The following PMS1 variants were observed in gnomAD, a reference collection of about 807,000 sequenced individuals.
PMS1 encodes PMS1 protein homolog 1.
Under a neutral mutation model 93.1 loss-of-function variants are expected in PMS1, and 79 were observed. The observed-to-expected ratio is 0.85, with a 90% CI of 0.71 to 1.02. The LOEUF is 1.02. Among genes scored for constraint, PMS1 ranks in the 50% least tolerant of loss-of-function variants. The probability of loss-of-function intolerance (pLI) is 0.00; values close to 1 mark genes in which losing one functional copy is unlikely to be tolerated. For missense variants in PMS1, 1,064 were observed against 1,085.3 expected, an observed-to-expected ratio of 0.98 and a Z score of 0.28; for synonymous variants, 335 against 363.4, an observed-to-expected ratio of 0.92 and a Z score of 0.89.
chr2:189,802,760 C>G (rs867255903), intron 3 of PMS1, among the ~76,000 whole-genome samples: 4 of 152,134 alleles, frequency 2.6e-5, no homozygotes, highest in African/African-American at 9.7e-5. Context: ...GGTTCTAAAC[C>G]AAGGACTTCT....
At chr2:189,855,919 A>T in intron 9 of PMS1, 1 of 866,958 alleles carries the variant, frequency 1.2e-6, no homozygotes, top group Non-Finnish European at 1.5e-6. Flanking sequence ...ATATACAGGT[A>T]TCTGAGTATC....
At chr2:189,820,218 C>T (rs1288434074) in intron 5 of PMS1, among the ~76,000 whole-genome samples, 4 of 152,202 alleles carry the variant, frequency 2.6e-5, no homozygotes, top group Non-Finnish European at 2.9e-5. Context: ...ATACTTTGCT[C>T]ATTGTTGTGC....
At chr2:189,806,292 A>G (rs1405088467) in intron 4 of PMS1, 1 of 240,348 alleles carries the variant, frequency 4.2e-6, no homozygotes, top group Non-Finnish European at 8.2e-6. Context: ...TTTCTATATT[A>G]CTTTGAAGCA....
chr2:189,872,055 C>G lies in PMS1; in HGVS notation c.2474-1441C>G, dbSNP rs115121321. Among the ~76,000 whole-genome samples the G allele has an allele frequency of 8.9e-3, 1,350 of 152,196 alleles. 14 individuals carry two copies. Among genetic ancestry groups the G allele is most frequent in the Middle Eastern group, 0.024 (7 of 294 alleles). On this transcript the variant is annotated intron_variant, in intron 11 of 12. Transcript: ENST00000441310. ...CACCAAGCCATTCATGATGGATCTG[C>G]CCCATGACCCAATGCACCTCCCACT...
intron 5 of PMS1, among the ~76,000 whole-genome samples, chr2:189,821,766 A>G (rs550100934): frequency 6.5e-4 from 97 of 149,280 alleles, no homozygotes; most frequent in Non-Finnish European, 1.2e-3. Flanking sequence ...CCGAGATCGC[A>G]CCACTGCACT....
intron 6 of PMS1, among the ~76,000 whole-genome samples, chr2:189,848,048 C>G (rs954712500): frequency 2.0e-5 from 3 of 152,146 alleles, no homozygotes; most frequent in African/African-American, 4.8e-5. Flanking sequence ...TCAGAGCTCC[C>G]TGAAGAGTTG....
intron 9 of PMS1, among the ~76,000 whole-genome samples, chr2:189,856,462 TACTC>T (rs748557298): frequency 1.3e-5 from 2 of 152,160 alleles, no homozygotes; most frequent in Non-Finnish European, 2.9e-5. Context: ...ATATATCAAA[TACTC>T]AGTGTTCAAA....
At chr2:189,838,956 G>T (rs370559349) in intron 5 of PMS1, among the ~76,000 whole-genome samples, 39 of 152,122 alleles carry the variant, frequency 2.6e-4, no homozygotes, top group African/African-American at 9.4e-4. Context: ...TTTCGTAAAA[G>T]CTGAGAGTCT....
chr2:189,852,552 G>T, intron 6 of PMS1, 103 bp from the exon 7 acceptor site: 1 of 999,000 alleles, frequency 1.0e-6, no homozygotes, highest in East Asian at 2.4e-5. Context: ...ACCTTAAGAT[G>T]AAAATCTGTT....
intron 12 of PMS1, among the ~76,000 whole-genome samples, chr2:189,876,770 C>CT (rs150660131): frequency 0.04 from 4,711 of 117,880 alleles, 179 homozygotes; most frequent in Non-Finnish European, 0.058. Flanking sequence ...ACCGTGCCCA[C>CT]TTTTTTTTTT....
chr2:189,835,580 A>C (rs773197330), intron 5 of PMS1, among the ~76,000 whole-genome samples: 9 of 152,162 alleles, frequency 5.9e-5, no homozygotes, highest in Non-Finnish European at 1.5e-5. Context: ...ATAATAATAG[A>C]TATAGATCTA....
Position 189,861,835 on chromosome 2 carries a change from T to G in PMS1, c.1857-1908T>G, listed in dbSNP as rs2056047946. On this transcript the variant is annotated intron_variant, in intron 9 of 12. Coordinates refer to ENST00000441310, the MANE Select transcript of PMS1 (RefSeq NM_000534.5). Reference sequence around the variant, plus strand: ...TTTTTGCGGTTTCCTATTTGTACTGTTTTTTTCCTCTTTATTTTCAGGATT... The same window carrying G: ...TTTTTGCGGTTTCCTATTTGTACTGGTTTTTTCCTCTTTATTTTCAGGATT... Among the ~76,000 whole-genome samples the G allele has an allele frequency of 4.0e-5, 6 of 148,906 alleles. 1 individual carries two copies. In the South Asian group the frequency reaches 1.3e-3, roughly 31 times the overall value.
At position 189,792,669 on chromosome 2, in the gene PMS1, G is replaced by A. The variant is rs994679508; in HGVS notation, c.132+728G>A. 6.6e-3 allele frequency among the ~76,000 whole-genome samples: 661 copies of A among 99,778 alleles called. 3 individuals carry two copies. Among genetic ancestry groups the A allele is most frequent in the African/African-American group, 0.023 (602 of 26,408 alleles). The allele number at this position is 99,778 out of a possible 152,430, so 65.5% of individuals were successfully genotyped here. ...AGATAAGATTCTATGAGATAAACAT[G>A]TATATATATATGGACACAAATATAT... On this transcript the variant is annotated intron_variant, in intron 2 of 12. Transcript: ENST00000441310.
At chr2:189,792,289 C>A (rs768234148) in intron 2 of PMS1, among the ~76,000 whole-genome samples, 2 of 151,880 alleles carry the variant, frequency 1.3e-5, no homozygotes, top group Non-Finnish European at 2.9e-5. Flanking sequence ...AAACCATTTC[C>A]CTTGTTACTT....
intron 3 of PMS1, among the ~76,000 whole-genome samples, chr2:189,801,128 G>A (rs2049851801): frequency 6.6e-6 from 1 of 152,208 alleles, no homozygotes; most frequent in South Asian, 2.1e-4. Flanking sequence ...CACCCGAATT[G>A]CTGGCAGGCA....
At chr2:189,824,127 G>T (rs1304522675) in intron 5 of PMS1, among the ~76,000 whole-genome samples, 1 of 152,078 alleles carries the variant, frequency 6.6e-6, no homozygotes, top group African/African-American at 2.4e-5. Context: ...GACATCTAAG[G>T]TACTTTTTAA....
At chr2:189,824,518 G>A (rs1023972195) in intron 5 of PMS1, among the ~76,000 whole-genome samples, 13 of 151,954 alleles carry the variant, frequency 8.6e-5, no homozygotes, top group Non-Finnish European at 1.5e-5. Flanking sequence ...AAAAGAAATT[G>A]GAAAGCAGTA....
intron 6 of PMS1, among the ~76,000 whole-genome samples, chr2:189,849,124 G>GAC (rs1169731136): frequency 6.6e-6 from 1 of 151,874 alleles, no homozygotes; most frequent in African/African-American, 2.4e-5. Flanking sequence ...CTCCTGCAGG[G>GAC]ACCCCACATG....
chr2:189,863,258 GTTT>G (rs763514498), intron 9 of PMS1, among the ~76,000 whole-genome samples: 1 of 141,420 alleles, frequency 7.1e-6, no homozygotes, highest in Non-Finnish European at 1.6e-5. Flanking sequence ...TTTTTTTTTG[GTTT>G]TTTTTTTTTT....
Sources: allele counts gnomAD v4.1 joint callset (sites outside exome capture counted in the v4.1 genomes callset), GRCh38; gene constraint gnomAD v4.1.1; transcripts MANE v1.5; gene names NCBI Gene and HGNC (gene_info 2026-07-23, HGNC 2026-07-21).